The following CDK6 variants were observed in gnomAD, a reference collection of about 807,000 sequenced individuals.
CDK6 encodes cyclin-dependent kinase 6.
In CDK6, 6 loss-of-function variants were observed where a neutral mutation model predicts 37.1. The ratio of observed to expected loss-of-function variants is 0.16; its 90% CI spans 0.09 to 0.32. CDK6 has a LOEUF of 0.32. Ranked by LOEUF, CDK6 falls within the 10% of genes least tolerant of loss-of-function variation. The pLI is 1.00. For synonymous variants in CDK6, 160 were observed against 161.3 expected, an observed-to-expected ratio of 0.99 and a Z score of 0.06; for missense variants, 224 against 418.9, an observed-to-expected ratio of 0.53 and a Z score of 4.06.
chr7:92,709,303 C>T (rs1015768030), intron 4 of CDK6, among the ~76,000 whole-genome samples: 1 of 152,112 alleles, frequency 6.6e-6, no homozygotes, highest in African/African-American at 2.4e-5. Flanking sequence ...TGCTGCTTTG[C>T]CGTTGTGTGT....
intron 5 of CDK6, among the ~76,000 whole-genome samples, chr7:92,665,919 T>C (rs1272955827): frequency 6.6e-6 from 1 of 152,228 alleles, no homozygotes; most frequent in African/African-American, 2.4e-5. Flanking sequence ...TCACCCTCCT[T>C]GTGGAAGGTC....
At chr7:92,777,831 G>A (rs917598306) in intron 2 of CDK6, among the ~76,000 whole-genome samples, 13 of 152,060 alleles carry the variant, frequency 8.5e-5, no homozygotes, top group African/African-American at 1.7e-4. Context: ...GCAGTATGGC[G>A]ATTTTCACAA....
intron 5 of CDK6, among the ~76,000 whole-genome samples, chr7:92,663,321 A>C (rs1274047780): frequency 6.6e-6 from 1 of 152,178 alleles, no homozygotes; most frequent in African/African-American, 2.4e-5. Context: ...ATGCCGCCAC[A>C]GGGAAAGGCC....
chr7:92,690,542 T>C (rs1797577562), intron 4 of CDK6, among the ~76,000 whole-genome samples: 2 of 152,208 alleles, frequency 1.3e-5, no homozygotes, highest in South Asian at 2.1e-4. Flanking sequence ...TAGTTTGAAG[T>C]TGGGTAGCAT....
At chr7:92,676,477 G>T (rs891951520) in intron 4 of CDK6, among the ~76,000 whole-genome samples, 1 of 151,942 alleles carries the variant, frequency 6.6e-6, no homozygotes, top group Admixed American at 6.6e-5. Context: ...ATTGATAAGG[G>T]TTTGTCTTAT....
chr7:92,646,648 T>C (rs1454513288), intron 5 of CDK6, among the ~76,000 whole-genome samples: 2 of 152,002 alleles, frequency 1.3e-5, no homozygotes, highest in Non-Finnish European at 2.9e-5. Flanking sequence ...TCTGCCCACC[T>C]TGGCCTCCCA....
At chr7:92,630,488 C>T (rs538947440) in intron 5 of CDK6, among the ~76,000 whole-genome samples, 20 of 152,192 alleles carry the variant, frequency 1.3e-4, no homozygotes, top group Non-Finnish European at 2.5e-4. Context: ...TACTGAAAAA[C>T]TTTGCAAATG....
chr7:92,629,549 C>T (rs575258725), intron 5 of CDK6, among the ~76,000 whole-genome samples: 2 of 152,218 alleles, frequency 1.3e-5, no homozygotes, highest in Admixed American at 1.3e-4. Flanking sequence ...AATATATTTA[C>T]TGAGTCAACT....
chr7:92,792,498 C>G (rs1800308991), intron 2 of CDK6, among the ~76,000 whole-genome samples: 1 of 151,954 alleles, frequency 6.6e-6, no homozygotes, highest in African/African-American at 2.4e-5. Context: ...TTTTCTGAAT[C>G]AAAATATATA....
chr7:92,639,123 C>T (rs756489426), intron 5 of CDK6, among the ~76,000 whole-genome samples: 2 of 151,942 alleles, frequency 1.3e-5, no homozygotes, highest in African/African-American at 2.4e-5. Flanking sequence ...AATATTTTCT[C>T]AAAATATTAA....
intron 3 of CDK6, among the ~76,000 whole-genome samples, chr7:92,759,994 T>G (rs1584058897): frequency 1.3e-5 from 2 of 152,182 alleles, no homozygotes; most frequent in Non-Finnish European, 2.9e-5. Flanking sequence ...TAATATCTTA[T>G]CTATTCACGG....
rs945235247 is a variant in CDK6 at position 92,608,866 on chromosome 7, T to G, written c.*6274A>C. 8.6e-6 allele frequency: 2 copies of G among 232,158 alleles called. No homozygotes were observed. The highest frequency in any genetic ancestry group is 1.7e-5 in the Non-Finnish European group (2 of 117,402). The allele number at this position is 232,158 out of a possible 1,614,324, so 14.4% of individuals were successfully genotyped here. A position where few individuals can be genotyped will look rare whatever the true frequency, so the allele number is the denominator to read the frequency against. On this transcript the variant is annotated 3_prime_UTR_variant, in exon 8 of 8. Transcript: ENST00000424848. ...CCGGCCTCGCCCACTGCCTCTCTCC[T>G]GCCAAAGGGGCGGGGCAACGAGGCA...
At chr7:92,807,658 C>G (rs1425349516) in intron 2 of CDK6, among the ~76,000 whole-genome samples, 1 of 151,948 alleles carries the variant, frequency 6.6e-6, no homozygotes, top group East Asian at 1.9e-4. Flanking sequence ...CTAGTACTAT[C>G]TCAACCTTTC....
intron 5 of CDK6, among the ~76,000 whole-genome samples, chr7:92,661,406 T>G (rs1381489299): frequency 6.6e-6 from 1 of 152,112 alleles, no homozygotes; most frequent in Non-Finnish European, 1.5e-5. Flanking sequence ...CAGTCAAAAG[T>G]CCATGTATAA....
In CDK6 at chr7:92,671,530, G is replaced by T; in HGVS notation, c.543C>A (p.Val181=). 6.4e-7 allele frequency: 1 copy of T among 1,555,838 alleles called. No homozygotes were observed. Among genetic ancestry groups the T allele is most frequent in the Non-Finnish European group, 8.7e-7 (1 of 1,151,830 alleles). The part of the protein sequence containing the change: ...SFQMALTSVV[V]TLWYRAPEVL... ...CTTCGGGTGCTCTGTACCACAGCGT[G>T]ACGACCTGCAATGGCAAGCGGATCC... is the stretch of plus-strand genomic sequence containing the variant. Residue 181 remains valine, a synonymous_variant, in exon 5 of 8, where the codon GTC becomes GTA. Transcript: ENST00000424848.
chr7:92,678,303 T>C (rs564497716), intron 4 of CDK6, among the ~76,000 whole-genome samples: 87 of 152,148 alleles, frequency 5.7e-4, no homozygotes, highest in African/African-American at 1.8e-3. Flanking sequence ...GCAAAGACAA[T>C]AGGAATTATG....
chr7:92,728,163 C>T (rs1424334238), intron 3 of CDK6, among the ~76,000 whole-genome samples: 1 of 152,050 alleles, frequency 6.6e-6, no homozygotes, highest in Admixed American at 6.6e-5. Context: ...TATAAAATTG[C>T]TAAGATGTAT....
intron 3 of CDK6, among the ~76,000 whole-genome samples, chr7:92,748,920 G>A (rs1206481095): frequency 2.0e-5 from 3 of 151,964 alleles, no homozygotes; most frequent in Admixed American, 6.6e-5. Flanking sequence ...ATCCCAACAC[G>A]GCTGGGCGCG....
intron 5 of CDK6, among the ~76,000 whole-genome samples, chr7:92,649,044 A>G (rs1796511039): frequency 6.7e-6 from 1 of 149,902 alleles, no homozygotes; most frequent in African/African-American, 2.5e-5. Flanking sequence ...GCATATCTTG[A>G]AAAAAAAAAG....
Sources: gnomAD v4.1 joint callset for allele counts (sites outside exome capture counted in the v4.1 genomes callset) on GRCh38, gnomAD v4.1.1 for gene constraint, MANE v1.5 for transcripts, NCBI Gene and HGNC (gene_info 2026-07-23, HGNC 2026-07-21) for gene names.